The following THADA variants were observed in gnomAD, a reference collection of about 807,000 sequenced individuals.
THADA encodes THADA armadillo repeat containing, also known as tRNA (32-2'-O)-methyltransferase regulator THADA.
THADA carries 213 observed loss-of-function variants against 219.8 expected under a neutral mutation model. The ratio of observed to expected loss-of-function variants is 0.97; its 90% CI spans 0.87 to 1.09. The LOEUF (loss-of-function observed/expected upper bound fraction) is 1.09. Among genes scored for constraint, THADA ranks in the 50% least tolerant of loss-of-function variants. The pLI is 0.00. For missense variants in THADA, 2,956 were observed against 2,311.3 expected (o/e 1.28, Z -5.72); for synonymous variants, 1,018 against 828.9 (o/e 1.23, Z -3.92).
At chr2:43,567,520 G>C (rs985835313) in intron 14 of THADA, among the ~76,000 whole-genome samples, 4 of 152,048 alleles carry the variant, frequency 2.6e-5, no homozygotes, top group African/African-American at 9.7e-5. Context: ...CCAGCTACTC[G>C]GGAGGCTGAG....
intron 22 of THADA, among the ~76,000 whole-genome samples, chr2:43,517,454 T>C (rs1447155001): frequency 6.6e-6 from 1 of 152,156 alleles, no homozygotes; most frequent in Non-Finnish European, 1.5e-5. Flanking sequence ...AATATCTTTA[T>C]TTACCAAACA....
At chr2:43,384,082 G>C (rs1212423316) in intron 29 of THADA, among the ~76,000 whole-genome samples, 1 of 152,184 alleles carries the variant, frequency 6.6e-6, no homozygotes, top group Non-Finnish European at 1.5e-5. Context: ...GATAGTAAGA[G>C]TTAACTTCTG....
chr2:43,509,365 C>T (rs1690101869), intron 22 of THADA, among the ~76,000 whole-genome samples: 2 of 152,276 alleles, frequency 1.3e-5, no homozygotes, highest in Admixed American at 6.5e-5. Context: ...ACATTAAGCG[C>T]TATCTTAGAG....
chr2:43,464,195 CTA>C (rs1057196851), intron 26 of THADA, among the ~76,000 whole-genome samples: 7 of 152,036 alleles, frequency 4.6e-5, no homozygotes, highest in African/African-American at 1.7e-4. Context: ...AAATGTCAGC[CTA>C]TGTTTCTCCA....
chr2:43,289,470 A>T (rs776244857), intron 34 of THADA, among the ~76,000 whole-genome samples: 111 of 152,076 alleles, frequency 7.3e-4, no homozygotes, highest in Non-Finnish European at 1.4e-3. Flanking sequence ...TCTTTTATTT[A>T]TTTCTCTCCA....
At chr2:43,287,170 A>T (rs1012859802) in intron 34 of THADA, 109 bp from the exon 35 acceptor site, 5 of 961,790 alleles carry the variant, frequency 5.2e-6, no homozygotes, top group Admixed American at 2.9e-5. Context: ...CTCTTAGCTC[A>T]ATGGGAAGAA....
intron 29 of THADA, among the ~76,000 whole-genome samples, chr2:43,365,748 G>T (rs1223562443): frequency 6.6e-6 from 1 of 152,128 alleles, no homozygotes; most frequent in Non-Finnish European, 1.5e-5. Context: ...AAAAAGGTGG[G>T]TTCCTTGATC....
intron 25 of THADA, among the ~76,000 whole-genome samples, chr2:43,495,810 T>C (rs1167584393): frequency 6.6e-6 from 1 of 152,230 alleles, no homozygotes; most frequent in African/African-American, 2.4e-5. Flanking sequence ...GTATTCCTGA[T>C]GGTCAAGCCA....
rs553972535 is a variant in THADA at position 43,372,271 on chromosome 2, G to C, written c.4227+25700C>G. ...GCTAGTTTTATTACTTAAATATGATGAGTAATGTGAACTAAAACACACAAG... is the reference window on the plus strand; with the variant it reads ...GCTAGTTTTATTACTTAAATATGATCAGTAATGTGAACTAAAACACACAAG... On this transcript the variant is annotated intron_variant, in intron 29 of 37. Coordinates refer to ENST00000405975, the MANE Select transcript of THADA (RefSeq NM_022065.5). 3 of 152,300 alleles carry C rather than the reference G, an allele frequency of 2.0e-5. No homozygotes were observed. The South Asian group carries it at 6.2e-4, about 32-fold the overall frequency. 9.4% of individuals were successfully genotyped at this position (152,300 alleles called of 1,614,324 possible). A position where few individuals can be genotyped will look rare whatever the true frequency, so the allele number is the denominator to read the frequency against.
chr2:43,395,281 T>C (rs1051875957), intron 29 of THADA, among the ~76,000 whole-genome samples: 40 of 152,256 alleles, frequency 2.6e-4, no homozygotes, highest in African/African-American at 8.7e-4. Flanking sequence ...GGCTGTTCTA[T>C]ATTCCTCATC....
chr2:43,523,242 G>C (rs536278372), intron 22 of THADA, among the ~76,000 whole-genome samples: 2 of 151,944 alleles, frequency 1.3e-5, no homozygotes, highest in African/African-American at 4.8e-5. Context: ...GCAGACACCC[G>C]TAAGTCCTAG....
intron 26 of THADA, among the ~76,000 whole-genome samples, chr2:43,460,733 G>A (rs1371607231): frequency 6.6e-6 from 1 of 152,174 alleles, no homozygotes; most frequent in Non-Finnish European, 1.5e-5. Flanking sequence ...CACAAATGAA[G>A]GGTTGGCGTG....
At chr2:43,454,047 T>C (rs544274887) in intron 26 of THADA, among the ~76,000 whole-genome samples, 2 of 152,148 alleles carry the variant, frequency 1.3e-5, no homozygotes, top group South Asian at 4.1e-4. Flanking sequence ...CTTGGCTAAT[T>C]ATTATAGAGA....
chr2:43,576,566 A>G (rs908115243), intron 10 of THADA, among the ~76,000 whole-genome samples: 2 of 152,246 alleles, frequency 1.3e-5, no homozygotes, highest in Non-Finnish European at 2.9e-5. Context: ...ACATATAAAA[A>G]TTTTTATAGT....
At chr2:43,313,900 AC>A (rs1677787384) in intron 31 of THADA, among the ~76,000 whole-genome samples, 1 of 152,222 alleles carries the variant, frequency 6.6e-6, no homozygotes, top group Admixed American at 6.5e-5. Flanking sequence ...AGGATCTGCC[AC>A]CTTAGCACAC....
chr2:43,319,506 C>A (rs2104459358), intron 31 of THADA, among the ~76,000 whole-genome samples: 1 of 152,208 alleles, frequency 6.6e-6, no homozygotes, highest in Admixed American at 6.5e-5. Context: ...GTTTTGCATG[C>A]TCCCACCTCC....
At chr2:43,402,591 C>T (rs187478544) in intron 28 of THADA, among the ~76,000 whole-genome samples, 1 of 152,258 alleles carries the variant, frequency 6.6e-6, no homozygotes, top group East Asian at 1.9e-4. Flanking sequence ...GGCTATACAT[C>T]ACCAAAACTG....
intron 29 of THADA, among the ~76,000 whole-genome samples, chr2:43,364,651 A>C (rs1469858576): frequency 6.6e-6 from 1 of 152,234 alleles, no homozygotes; most frequent in Non-Finnish European, 1.5e-5. Flanking sequence ...TATAGTCTAC[A>C]TCCTTATGAC....
chr2:43,574,354 A>T lies in THADA; in HGVS notation c.1711T>A (p.Ser571Thr), dbSNP rs1332794911. 6.4e-7 allele frequency: 1 copy of T among 1,571,280 alleles called. No individual in the cohort carries two copies. Among genetic ancestry groups the T allele is most frequent in the Non-Finnish European group, 8.6e-7 (1 of 1,162,456 alleles). Residue 571 changes from serine to threonine, a missense_variant, in exon 11 of 38, where the codon TCT becomes ACT. By Grantham distance (58) the Ser-to-Thr change is moderately conservative (BLOSUM62 1). Coordinates refer to ENST00000405975, the MANE Select transcript of THADA (RefSeq NM_022065.5). The stretch of plus-strand genomic sequence containing the variant: ...TTCTTACCAGTTTTAGCATCAATAG[A>T]AGTCTGAAGAATCTTTACCATGTAC... ...LQYMVKILQT[S>T]IDAKTGQEQS...
Sources: allele counts gnomAD v4.1 joint callset (sites outside exome capture counted in the v4.1 genomes callset), GRCh38; gene constraint gnomAD v4.1.1; transcripts MANE v1.5; gene names NCBI Gene and HGNC (gene_info 2026-07-23, HGNC 2026-07-21).